The following MTSS2 variants were observed in gnomAD, a reference collection of about 807,000 sequenced individuals.
The protein encoded by MTSS2 is MTSS I-BAR domain containing 2.
Under a neutral mutation model 67.1 loss-of-function variants are expected in MTSS2, and 27 were observed. The observed-to-expected ratio is 0.40, with a 90% CI of 0.30 to 0.55. The LOEUF is 0.55. Among genes scored for constraint, MTSS2 ranks in the 20% least tolerant of loss-of-function variants. The pLI is 0.43. For missense variants in MTSS2, 1,171 were observed against 1,067.8 expected, an observed-to-expected ratio of 1.10 and a Z score of -1.35; for synonymous variants, 624 against 468.6, an observed-to-expected ratio of 1.33 and a Z score of -4.28.
intron 9 of MTSS2, among the ~76,000 whole-genome samples, chr16:70,677,524 G>T (rs954541216): frequency 6.6e-6 from 1 of 152,132 alleles, no homozygotes; most frequent in African/African-American, 2.4e-5. Flanking sequence ...CATGGAGCAG[G>T]GCAGGCAGAC....
intron 1 of MTSS2, among the ~76,000 whole-genome samples, chr16:70,684,834 G>C (rs2053404545): frequency 6.6e-6 from 1 of 152,212 alleles, no homozygotes; most frequent in Non-Finnish European, 1.5e-5. Flanking sequence ...CCAAACCCTG[G>C]CCTCATTTGG....
chr16:70,675,885 C>T (rs951890783), intron 10 of MTSS2, among the ~76,000 whole-genome samples: 3 of 152,220 alleles, frequency 2.0e-5, no homozygotes, highest in Admixed American at 2.0e-4. Flanking sequence ...GTGTCCAGCC[C>T]TCTATGGCTC....
chr16:70,680,908 C>CGGGG (rs370016576), intron 2 of MTSS2, 41 bp from the exon 3 acceptor site: 1,074 of 1,177,708 alleles, frequency 9.1e-4, no homozygotes, highest in South Asian at 2.6e-3. Context: ...GGTGGTTGGG[C>CGGGG]GGGGGGGGGG....
rs1567511488 is a variant in MTSS2 at position 70,685,982 on chromosome 16, C to A, written c.-191G>T. 1.3e-5 allele frequency: 2 copies of A among 150,354 alleles called. No homozygotes were observed. Among genetic ancestry groups the A allele is most frequent in the South Asian group, 1.8e-4 (1 of 5,526 alleles). 9.3% of individuals were successfully genotyped at this position (150,354 alleles called of 1,614,324 possible). A position where few individuals can be genotyped will look rare whatever the true frequency, so the allele number is the denominator to read the frequency against. On this transcript the variant is annotated 5_prime_UTR_variant, in exon 1 of 15. Transcript: ENST00000338779. ...CTCCGGCGGGCGGCGCGGGCCATGT[C>A]GCAGCGGGGCTGGCGGGCGGCGCGG...
chr16:70,685,589 G>T, intron 1 of MTSS2, 134 bp downstream of exon 1: 1 of 404,238 alleles, frequency 2.5e-6, no homozygotes, highest in Non-Finnish European at 3.5e-6. Context: ...GCAGACGCAG[G>T]CAGGACGCGC....
chr16:70,664,354 T>C lies in MTSS2; in HGVS notation c.1567A>G (p.Ile523Val), dbSNP rs1315398272. ...ATCAGGCGGCGGTAGTTCTGGGCGA[T>C]GTTGCTGTTGCGCGGGATGGTGGAT... ...KSSTIPRNSN[I>V]AQNYRRLIQT... is the part of the protein sequence containing the mutation. The change falls in exon 15 of 15, where the codon ATC (isoleucine) becomes GTC (valine). Residue 523 changes from isoleucine (I) to valine (V), a missense_variant. Coordinates refer to ENST00000338779, the MANE Select transcript of MTSS2 (RefSeq NM_138383.3). 6 of 1,595,806 alleles carry C rather than the reference T, an allele frequency of 3.8e-6. No homozygotes were observed. Among genetic ancestry groups the C allele is most frequent in the African/African-American group, 2.7e-5 (2 of 74,234 alleles).
chr16:70,674,982 G>A (rs1010275395), intron 10 of MTSS2, among the ~76,000 whole-genome samples: 4 of 152,136 alleles, frequency 2.6e-5, no homozygotes, highest in Non-Finnish European at 4.4e-5. Flanking sequence ...GCATGGTGGC[G>A]CATGCCTGTA....
chr16:70,664,471 AGGCCCAG>A (rs746608222), intron 14 of MTSS2, 22 bp from the exon 15 acceptor site: 4 of 1,539,786 alleles, frequency 2.6e-6, no homozygotes, highest in South Asian at 1.3e-5. Flanking sequence ...GGACACAGTG[AGGCCCAG>A]GGCCCAGGTG....
intron 11 of MTSS2, among the ~76,000 whole-genome samples, chr16:70,670,888 T>G (rs1260808072): frequency 6.8e-6 from 1 of 147,746 alleles, no homozygotes; most frequent in East Asian, 2.0e-4. Context: ...GAAGATTGCT[T>G]GAACCCAGGA....
rs747681926 is a variant in MTSS2, at chr16:70,664,119, G to T, written c.1802C>A (p.Ser601Tyr). ...CCGTGTGGGCCCCATGTAGCCGGGGGAGTCAGGCACCGTGGGCGTCTTCAC... is the reference window on the plus strand; with the variant it reads ...CCGTGTGGGCCCCATGTAGCCGGGGTAGTCAGGCACCGTGGGCGTCTTCAC... ...VPVKTPTVPD[S>Y]PGYMGPTRAG... The change falls in exon 15 of 15, where the codon TCC becomes TAC. Residue 601 changes from serine to tyrosine, a missense_variant. Coordinates refer to ENST00000338779, the MANE Select transcript of MTSS2 (RefSeq NM_138383.3). 1 of 1,611,420 alleles carries T rather than the reference G, an allele frequency of 6.2e-7. No individual in the cohort carries two copies. The highest frequency in any genetic ancestry group is 2.2e-5 in the East Asian group (1 of 44,862).
At chr16:70,673,228 T>C (rs933936898) in intron 11 of MTSS2, among the ~76,000 whole-genome samples, 12 of 151,902 alleles carry the variant, frequency 7.9e-5, no homozygotes, top group African/African-American at 2.2e-4. Flanking sequence ...ATGAAAGACA[T>C]GAATACCAAC....
At chr16:70,669,228 G>A (rs2052833825) in intron 11 of MTSS2, among the ~76,000 whole-genome samples, 1 of 151,976 alleles carries the variant, frequency 6.6e-6, no homozygotes, top group Admixed American at 6.6e-5. Flanking sequence ...CAATAAAAAG[G>A]TACCCAATAG....
At chr16:70,680,918 G>GGGGGGGGGGGGGGGGGGGGGGCCCCCCC in intron 2 of MTSS2, 46 bp downstream of exon 2, 2 of 1,097,912 alleles carry the variant, frequency 1.8e-6, no homozygotes, top group Non-Finnish European at 2.7e-6. Flanking sequence ...CGGGGGGGGG[G>GGGGGGGGGGGGGGGGGGGGGGCCCCCCC]CCTCTGCCTG....
Position 70,685,821 on chromosome 16 carries a change from C to A in MTSS2, c.-30G>T. 8.0e-7 allele frequency: 1 copy of A among 1,253,342 alleles called. No individual in the cohort carries two copies. The allele number at this position is 1,253,342 out of a possible 1,614,324, so 77.6% of individuals were successfully genotyped here. A position where few individuals can be genotyped will look rare whatever the true frequency, so the allele number is the denominator to read the frequency against. On this transcript the variant is annotated 5_prime_UTR_variant, in exon 1 of 15. Transcript: ENST00000338779. ...TGGCTGGGCCGGGCCGCGGCGGCGG[C>A]TAGGCGCACGGAGCGCGGGGAGCAG...
chr16:70,671,502 T>G (rs1460829907), intron 11 of MTSS2, among the ~76,000 whole-genome samples: 1 of 152,048 alleles, frequency 6.6e-6, no homozygotes, highest in Non-Finnish European at 1.5e-5. Flanking sequence ...AATTAAAAAT[T>G]GAATATATAA....
Position 70,680,861 on chromosome 16 carries a change from G to A in MTSS2, c.138C>T (p.Thr46=), listed in dbSNP as rs759934701. The stretch of plus-strand genomic sequence containing the variant: ...CCAGGAAGGCCACAGCAGCCAGCAC[G>A]GTGGTCCTGGGGAGAGGGACAACGG... ...ATKLHSQLRT[T]VLAAVAFLDA... is the part of the protein sequence containing the mutation. Residue 46 remains threonine, a synonymous_variant, in exon 3 of 15, where the codon ACC becomes ACT. Coordinates refer to ENST00000338779, the MANE Select transcript of MTSS2 (RefSeq NM_138383.3). The A allele has an allele frequency of 1.0e-5, 16 of 1,557,738 alleles. No homozygotes were observed. The highest frequency in any genetic ancestry group is 1.7e-4 in the Middle Eastern group (1 of 6,006).
rs1227619571 is a variant in MTSS2, at chr16:70,677,389, T to A, written c.732+403A>T. Among the ~76,000 whole-genome samples the A allele has an allele frequency of 1.3e-4, 19 of 151,934 alleles. 1 individual carries two copies. Among genetic ancestry groups the A allele is most frequent in the Non-Finnish European group, 2.8e-4 (19 of 67,962 alleles). The stretch of plus-strand genomic sequence containing the variant: ...CCCGCAGGCTGTGGGACAGGACTGG[T>A]CTGAGTGCAGTGGCAGCAGGGCTGG... On this transcript the variant is annotated intron_variant, in intron 9 of 14. Coordinates refer to ENST00000338779, the MANE Select transcript of MTSS2 (RefSeq NM_138383.3).
chr16:70,684,020 T>C (rs2053381559), intron 1 of MTSS2, among the ~76,000 whole-genome samples: 1 of 152,238 alleles, frequency 6.6e-6, no homozygotes, highest in Non-Finnish European at 1.5e-5. Flanking sequence ...TTGAACCTCT[T>C]GCTATGATCT....
intron 8 of MTSS2, 97 bp downstream of exon 8, chr16:70,678,155 A>T: frequency 6.9e-7 from 1 of 1,449,686 alleles, no homozygotes; most frequent in Non-Finnish European, 9.3e-7. Flanking sequence ...TGATGCCCCC[A>T]GCCAGGGACT....
Sources: gnomAD v4.1 joint callset for allele counts (sites outside exome capture counted in the v4.1 genomes callset) on GRCh38, gnomAD v4.1.1 for gene constraint, MANE v1.5 for transcripts, NCBI Gene and HGNC (gene_info 2026-07-23, HGNC 2026-07-21) for gene names.